Variants in ERBB4 observed in about 807,000 individuals in gnomAD.
ERBB4 encodes erb-b2 receptor tyrosine kinase 4.
In ERBB4, 42 loss-of-function variants were observed where a neutral mutation model predicts 158.0. The ratio of observed to expected loss-of-function variants is 0.27; its 90% confidence interval spans 0.21 to 0.34. ERBB4 has a LOEUF of 0.34. Ranked by LOEUF, ERBB4 falls within the 10% of genes least tolerant of loss-of-function variation. ERBB4 has a pLI of 1.00. For synonymous variants in ERBB4, 583 were observed against 558.7 expected (o/e 1.04, Z -0.61); for missense variants, 1,333 against 1,624.1 (o/e 0.82, Z 3.08).
intron 20 of ERBB4, among the ~76,000 whole-genome samples, chr2:211,439,544 A>T (rs531443556): frequency 6.6e-6 from 1 of 152,186 alleles, no homozygotes; most frequent in African/African-American, 2.4e-5. Flanking sequence ...GTCATATAGC[A>T]TAATGGTTAA....
intron 19 of ERBB4, among the ~76,000 whole-genome samples, chr2:211,611,052 T>C (rs1348546413): frequency 6.6e-6 from 1 of 152,116 alleles, no homozygotes; most frequent in Non-Finnish European, 1.5e-5. Flanking sequence ...GGATCACTAC[T>C]AAATTCTGTT....
At chr2:211,911,113 G>T (rs1219614843) in intron 3 of ERBB4, among the ~76,000 whole-genome samples, 1 of 152,054 alleles carries the variant, frequency 6.6e-6, no homozygotes, top group Non-Finnish European at 1.5e-5. Context: ...TTTAGGTAAG[G>T]AATATGTATA....
chr2:212,507,896 G>A (rs886231275), intron 1 of ERBB4, among the ~76,000 whole-genome samples: 1 of 152,166 alleles, frequency 6.6e-6, no homozygotes, highest in African/African-American at 2.4e-5. Context: ...GTTATATTGT[G>A]CGTAAAATGC....
intron 2 of ERBB4, among the ~76,000 whole-genome samples, chr2:212,066,595 T>C (rs1237163035): frequency 6.6e-6 from 1 of 152,166 alleles, no homozygotes; most frequent in South Asian, 2.1e-4. Context: ...TATGTTTTAG[T>C]GTAAATGCTA....
At chr2:211,864,041 CA>C (rs1254869640) in intron 3 of ERBB4, among the ~76,000 whole-genome samples, 2 of 152,154 alleles carry the variant, frequency 1.3e-5, no homozygotes, top group Non-Finnish European at 2.9e-5. Flanking sequence ...AGCAAGGGGC[CA>C]AGACCACTAG....
intron 2 of ERBB4, among the ~76,000 whole-genome samples, chr2:212,055,803 G>A (rs1014206388): frequency 6.6e-6 from 1 of 152,208 alleles, no homozygotes; most frequent in East Asian, 1.9e-4. Flanking sequence ...AAGAACAAAG[G>A]TAGATAAAAC....
chr2:211,700,730 C>T (rs532125331), intron 12 of ERBB4, among the ~76,000 whole-genome samples: 2 of 152,036 alleles, frequency 1.3e-5, no homozygotes, highest in Non-Finnish European at 2.9e-5. Context: ...CACACTCACA[C>T]GTATACACGC....
chr2:212,531,502 A>T (rs1325223559), intron 1 of ERBB4, among the ~76,000 whole-genome samples: 3 of 152,180 alleles, frequency 2.0e-5, no homozygotes, highest in Admixed American at 1.3e-4. Flanking sequence ...AGACCATAGA[A>T]ATTATCATTT....
intron 22 of ERBB4, among the ~76,000 whole-genome samples, chr2:211,425,621 AATATAT>A (rs907281878): frequency 6.6e-6 from 1 of 151,374 alleles, no homozygotes; most frequent in Admixed American, 6.6e-5. Context: ...ATACTTACAG[AATATAT>A]ATATATGTTT....
intron 19 of ERBB4, among the ~76,000 whole-genome samples, chr2:211,573,254 T>A (rs1410709823): frequency 6.6e-6 from 1 of 152,200 alleles, no homozygotes. Flanking sequence ...GCAAGGAATG[T>A]ATTTTTCCCT....
chr2:211,766,126 C>A (rs1056151382), intron 4 of ERBB4, among the ~76,000 whole-genome samples: 4 of 152,128 alleles, frequency 2.6e-5, no homozygotes, highest in Non-Finnish European at 4.4e-5. Context: ...GCATAATTTT[C>A]TCTCCATTTT....
At chr2:211,432,947 C>A (rs1387780390) in intron 20 of ERBB4, among the ~76,000 whole-genome samples, 3 of 152,066 alleles carry the variant, frequency 2.0e-5, no homozygotes, top group Non-Finnish European at 4.4e-5. Flanking sequence ...TTCTGAGGCC[C>A]TTATGTAGTA....
chr2:212,074,417 T>G (rs1253391251), intron 2 of ERBB4, among the ~76,000 whole-genome samples: 1 of 151,982 alleles, frequency 6.6e-6, no homozygotes, highest in Admixed American at 6.6e-5. Flanking sequence ...AGCACATCAT[T>G]AAGGGTAATT....
intron 27 of ERBB4, among the ~76,000 whole-genome samples, chr2:211,384,730 G>A (rs1325467688): frequency 6.6e-6 from 1 of 152,068 alleles, no homozygotes; most frequent in Non-Finnish European, 1.5e-5. Context: ...TAATAGTAAA[G>A]TATAATTATA....
intron 3 of ERBB4, among the ~76,000 whole-genome samples, chr2:211,856,683 A>G (rs11898491): frequency 0.21 from 32,491 of 151,982 alleles, 3,623 homozygotes; most frequent in South Asian, 0.33. Flanking sequence ...CACTGCGCCC[A>G]GCCTAGTCTT....
chr2:211,627,961 T>C (rs907677804), intron 17 of ERBB4, among the ~76,000 whole-genome samples: 7 of 152,236 alleles, frequency 4.6e-5, no homozygotes, highest in Admixed American at 4.6e-4. Flanking sequence ...ATGCATCCCA[T>C]AAATTGTGTA....
intron 19 of ERBB4, among the ~76,000 whole-genome samples, chr2:211,571,966 C>A (rs995664315): frequency 1.3e-5 from 2 of 152,002 alleles, no homozygotes; most frequent in African/African-American, 4.8e-5. Context: ...AGAAACATTT[C>A]CTAATTCAGT....
intron 15 of ERBB4, among the ~76,000 whole-genome samples, chr2:211,658,683 C>T (rs1022686274): frequency 7.2e-5 from 11 of 152,040 alleles, no homozygotes; most frequent in African/African-American, 2.4e-4. Context: ...AGTTTTTAAA[C>T]TACCATAATA....
intron 2 of ERBB4, among the ~76,000 whole-genome samples, chr2:212,011,850 A>AAAT (rs2076395982): frequency 6.6e-6 from 1 of 152,140 alleles, no homozygotes; most frequent in Non-Finnish European, 1.5e-5. Context: ...TTTAGCAGTC[A>AAAT]TTTAAGGCCA....
Sources: allele counts gnomAD v4.1 joint callset (sites outside exome capture counted in the v4.1 genomes callset), GRCh38; gene constraint gnomAD v4.1.1; transcripts MANE v1.5; gene names NCBI Gene and HGNC (gene_info 2026-07-23, HGNC 2026-07-21).